CDH18: variants seen among roughly 807,000 people sequenced by gnomAD.
CDH18 encodes cadherin 18, also known as cadherin-18.
CDH18 carries 31 observed loss-of-function variants against 67.9 expected under a neutral mutation model. The ratio of observed to expected loss-of-function variants is 0.46; its 90% CI spans 0.34 to 0.62. The LOEUF (loss-of-function observed/expected upper bound fraction) is 0.62. CDH18 is among the 20% of genes least tolerant of loss of function. The pLI is 0.01. For synonymous variants in CDH18, 362 were observed against 347.2 expected (o/e 1.04, Z -0.48); for missense variants, 890 against 975.5 (o/e 0.91, Z 1.17).
chr5:20,534,543 G>T (rs1158120483), intron 1 of CDH18, among the ~76,000 whole-genome samples: 1 of 151,910 alleles, frequency 6.6e-6, no homozygotes, highest in Non-Finnish European at 1.5e-5. Flanking sequence ...TCACTTTTTT[G>T]TCTGTCTCCT....
At chr5:19,975,395 C>T (rs1798404589) in intron 2 of CDH18, among the ~76,000 whole-genome samples, 1 of 151,712 alleles carries the variant, frequency 6.6e-6, no homozygotes, top group African/African-American at 2.4e-5. Context: ...TTGAGTAGTG[C>T]TAGATGAAAA....
intron 2 of CDH18, among the ~76,000 whole-genome samples, chr5:20,033,877 T>C (rs1022127632): frequency 2.0e-5 from 3 of 152,054 alleles, no homozygotes; most frequent in Non-Finnish European, 4.4e-5. Context: ...GCTGATTAGA[T>C]GTTATTCCAG....
At chr5:19,743,815 G>T (rs745893416) in intron 4 of CDH18, among the ~76,000 whole-genome samples, 18 of 149,796 alleles carry the variant, frequency 1.2e-4, no homozygotes, top group African/African-American at 3.7e-4. Flanking sequence ...CAGCTATTTG[G>T]GAGGCTGAGG....
intron 5 of CDH18, among the ~76,000 whole-genome samples, chr5:19,619,439 C>T (rs1750355523): frequency 6.6e-6 from 1 of 152,038 alleles, no homozygotes; most frequent in South Asian, 2.1e-4. Context: ...TGGGGGAAGG[C>T]CATGTTTGTA....
chr5:19,850,072 A>T (rs1783522067), intron 2 of CDH18, among the ~76,000 whole-genome samples: 1 of 151,878 alleles, frequency 6.6e-6, no homozygotes, highest in Non-Finnish European at 1.5e-5. Context: ...AATATCAAAA[A>T]ATTTCAGTTC....
rs536960531 is a variant in CDH18, at chr5:20,438,435, T to G, written c.-580+137027A>C. Among the ~76,000 whole-genome samples the G allele has an allele frequency of 2.0e-5, 3 of 151,508 alleles. No individual in the cohort carries two copies. The East Asian group carries it at 5.8e-4, about 29-fold the overall frequency. On this transcript the variant is annotated intron_variant, in intron 1 of 14. Coordinates refer to the CDH18 transcript ENST00000507958. ...TAATATTCTGCAAAGATAGGTCTAG[T>G]TCTTTAGCTGTTAAGCTGACCTAAA...
intron 2 of CDH18, among the ~76,000 whole-genome samples, chr5:20,128,838 G>A (rs1451019587): frequency 6.6e-6 from 1 of 151,936 alleles, no homozygotes; most frequent in Non-Finnish European, 1.5e-5. Flanking sequence ...GGACACAGCA[G>A]TTTTTTTCCC....
At chr5:19,701,707 G>A (rs559186762) in intron 5 of CDH18, among the ~76,000 whole-genome samples, 2 of 152,196 alleles carry the variant, frequency 1.3e-5, no homozygotes, top group East Asian at 1.9e-4. Flanking sequence ...GACTGGGCAA[G>A]CAGGGGACAA....
intron 5 of CDH18, among the ~76,000 whole-genome samples, chr5:19,680,296 A>C (rs1760104421): frequency 6.6e-6 from 1 of 152,086 alleles, no homozygotes; most frequent in South Asian, 2.1e-4. Flanking sequence ...TTAAATACTT[A>C]AATGTAAAAC....
intron 1 of CDH18, among the ~76,000 whole-genome samples, chr5:20,385,520 G>A (rs937318561): frequency 6.6e-6 from 1 of 152,066 alleles, no homozygotes; most frequent in African/African-American, 2.4e-5. Context: ...TAGGATCTTG[G>A]GTGTCACAGA....
At chr5:20,552,809 A>G (rs1757706607) in intron 1 of CDH18, among the ~76,000 whole-genome samples, 2 of 151,546 alleles carry the variant, frequency 1.3e-5, no homozygotes, top group South Asian at 2.1e-4. Context: ...GCTGGAGTGC[A>G]GTGGCGTGTG....
At chr5:20,162,880 G>A (rs958715464) in intron 2 of CDH18, among the ~76,000 whole-genome samples, 3 of 151,922 alleles carry the variant, frequency 2.0e-5, no homozygotes, top group East Asian at 1.9e-4. Flanking sequence ...CCAGCATGAC[G>A]AAATCCAGTC....
chr5:20,065,416 G>C (rs1206020602), intron 2 of CDH18, among the ~76,000 whole-genome samples: 1 of 151,860 alleles, frequency 6.6e-6, no homozygotes, highest in Non-Finnish European at 1.5e-5. Context: ...GAATACAGTA[G>C]TTTAGACACT....
At chr5:19,818,342 G>A (rs1779507784) in intron 3 of CDH18, among the ~76,000 whole-genome samples, 1 of 152,044 alleles carries the variant, frequency 6.6e-6, no homozygotes, top group Non-Finnish European at 1.5e-5. Flanking sequence ...TGTATGACAT[G>A]AATTGTAGGA....
At chr5:19,886,884 T>C (rs1434431611) in intron 2 of CDH18, among the ~76,000 whole-genome samples, 2 of 152,174 alleles carry the variant, frequency 1.3e-5, no homozygotes, top group South Asian at 4.1e-4. Flanking sequence ...TCATTCATCA[T>C]TGTGTGTGTC....
intron 2 of CDH18, among the ~76,000 whole-genome samples, chr5:19,976,131 T>A (rs1395651134): frequency 6.6e-6 from 1 of 152,192 alleles, no homozygotes; most frequent in African/African-American, 2.4e-5. Context: ...TCTTTTCCCT[T>A]TTATTACCTG....
intron 7 of CDH18, among the ~76,000 whole-genome samples, chr5:19,582,629 T>A (rs2149990504): frequency 6.6e-6 from 1 of 152,190 alleles, no homozygotes; most frequent in African/African-American, 2.4e-5. Flanking sequence ...TAGTTGAGTT[T>A]TTTTTGATAA....
chr5:20,070,921 AT>A (rs1254644997), intron 2 of CDH18, among the ~76,000 whole-genome samples: 1 of 152,174 alleles, frequency 6.6e-6, no homozygotes, highest in East Asian at 1.9e-4. Flanking sequence ...AACACCACTC[AT>A]TGGCTAATGC....
chr5:20,219,216 A>C (rs1741023069), intron 2 of CDH18, among the ~76,000 whole-genome samples: 1 of 151,946 alleles, frequency 6.6e-6, no homozygotes, highest in South Asian at 2.1e-4. Flanking sequence ...ATACCAATGA[A>C]TTGGAAAACT....
Sources: gnomAD v4.1 joint callset for allele counts (sites outside exome capture counted in the v4.1 genomes callset) on GRCh38, gnomAD v4.1.1 for gene constraint, MANE v1.5 for transcripts, NCBI Gene and HGNC (gene_info 2026-07-23, HGNC 2026-07-21) for gene names.